ZNF385D: variants seen among roughly 807,000 people sequenced by gnomAD.
ZNF385D encodes zinc finger protein 385D.
In ZNF385D, 15 loss-of-function variants were observed where a neutral mutation model predicts 35.8. The ratio of observed to expected loss-of-function variants is 0.42; its 90% CI spans 0.28 to 0.64. The LOEUF is 0.64. Among genes scored for constraint, ZNF385D ranks in the 30% least tolerant of loss-of-function variants. The pLI is 0.23. For missense variants in ZNF385D, 474 were observed against 494.6 expected, an observed-to-expected ratio of 0.96 and a Z score of 0.39; for synonymous variants, 212 against 186.8, an observed-to-expected ratio of 1.13 and a Z score of -1.10.
At chr3:21,809,709 T>C (rs550993124) in intron 3 of ZNF385D, among the ~76,000 whole-genome samples, 10 of 151,058 alleles carry the variant, frequency 6.6e-5, no homozygotes, top group African/African-American at 9.7e-5. Flanking sequence ...TATACACATA[T>C]ATACATATAT....
At chr3:22,202,627 T>C (rs77979877) in intron 2 of ZNF385D, among the ~76,000 whole-genome samples, 2,270 of 152,256 alleles carry the variant, frequency 0.015, 52 homozygotes, top group African/African-American at 0.051. Flanking sequence ...TTTAACTTCC[T>C]ATCTTTGAAA....
At chr3:21,684,717 G>T (rs538222929) in intron 1 of ZNF385D, among the ~76,000 whole-genome samples, 2 of 152,208 alleles carry the variant, frequency 1.3e-5, no homozygotes, top group South Asian at 4.1e-4. Flanking sequence ...ATTTGCAAGG[G>T]TTATTAATCA....
chr3:21,429,699 A>G (rs1442328291), intron 5 of ZNF385D, among the ~76,000 whole-genome samples: 1 of 152,152 alleles, frequency 6.6e-6, no homozygotes, highest in East Asian at 1.9e-4. Flanking sequence ...TAGTTGGTAT[A>G]GTCTGAAAAA....
At chr3:21,848,391 G>A (rs888933354) in intron 3 of ZNF385D, among the ~76,000 whole-genome samples, 1 of 150,846 alleles carries the variant, frequency 6.6e-6, no homozygotes, top group Admixed American at 6.6e-5. Context: ...GTATGTGGTA[G>A]GAAATAATAA....
chr3:22,137,020 T>C (rs1704169166), intron 3 of ZNF385D, among the ~76,000 whole-genome samples: 1 of 152,182 alleles, frequency 6.6e-6, no homozygotes, highest in African/African-American at 2.4e-5. Flanking sequence ...TCATTTAGCA[T>C]TTGTCAAAGC....
intron 3 of ZNF385D, among the ~76,000 whole-genome samples, chr3:21,988,806 C>T (rs1473893073): frequency 6.6e-6 from 1 of 152,126 alleles, no homozygotes; most frequent in East Asian, 1.9e-4. Flanking sequence ...GACTGCTGTG[C>T]TAGCAATCAG....
chr3:22,034,989 A>G (rs889453784), intron 3 of ZNF385D, among the ~76,000 whole-genome samples: 6 of 152,206 alleles, frequency 3.9e-5, no homozygotes, highest in African/African-American at 1.4e-4. Context: ...ATAAAATGGT[A>G]CAATTTTTAT....
At chr3:21,547,396 T>A (rs1300791723) in intron 3 of ZNF385D, among the ~76,000 whole-genome samples, 1 of 152,078 alleles carries the variant, frequency 6.6e-6, no homozygotes, top group Non-Finnish European at 1.5e-5. Flanking sequence ...ATACATGTTT[T>A]CTAATAACCC....
chr3:21,571,038 A>T (rs2063320654), intron 2 of ZNF385D, among the ~76,000 whole-genome samples: 1 of 151,850 alleles, frequency 6.6e-6, no homozygotes. Context: ...ACACACAAAA[A>T]GTACATACAT....
At chr3:22,215,456 C>T (rs139116100) in intron 2 of ZNF385D, among the ~76,000 whole-genome samples, 313 of 151,802 alleles carry the variant, frequency 2.1e-3, no homozygotes, top group African/African-American at 7.0e-3. Context: ...CTTCAGGGGG[C>T]GGCCGTCTTT....
intron 3 of ZNF385D, among the ~76,000 whole-genome samples, chr3:21,523,784 TGAA>T (rs559945001): frequency 1.4e-3 from 197 of 145,670 alleles, no homozygotes; most frequent in African/African-American, 4.7e-3. Context: ...TTTTTTTTTT[TGAA>T]AAAAGAAATA....
intron 1 of ZNF385D, among the ~76,000 whole-genome samples, chr3:21,675,672 G>A (rs988128941): frequency 6.6e-6 from 1 of 151,996 alleles, no homozygotes; most frequent in African/African-American, 2.4e-5. Flanking sequence ...ACTAAGAGGC[G>A]ATCATTTGTA....
At chr3:21,926,139 A>G (rs909293262) in intron 3 of ZNF385D, among the ~76,000 whole-genome samples, 2 of 148,354 alleles carry the variant, frequency 1.3e-5, no homozygotes, top group African/African-American at 2.5e-5. Context: ...GCCCTCTCCA[A>G]TTTTTTTTTT....
intron 3 of ZNF385D, among the ~76,000 whole-genome samples, chr3:22,101,857 A>G (rs754322108): frequency 6.6e-6 from 1 of 151,850 alleles, no homozygotes; most frequent in African/African-American, 2.4e-5. Flanking sequence ...GTGACTATAT[A>G]TTTTCTGGTA....
chr3:21,452,974 A>G (rs1056283108), intron 4 of ZNF385D, among the ~76,000 whole-genome samples: 3 of 152,012 alleles, frequency 2.0e-5, no homozygotes, highest in African/African-American at 7.2e-5. Context: ...TGAATTCAAA[A>G]CTTACTAAAA....
intron 4 of ZNF385D, among the ~76,000 whole-genome samples, chr3:21,483,994 GCATCGTAATTTGGA>G (rs1173136281): frequency 6.6e-6 from 1 of 152,078 alleles, no homozygotes; most frequent in East Asian, 1.9e-4. Flanking sequence ...AGAGAAACTG[GCATCGTAATTTGGA>G]CAGGGGAAAT....
At chr3:22,267,990 C>G (rs1576589677) in intron 2 of ZNF385D, among the ~76,000 whole-genome samples, 1 of 151,976 alleles carries the variant, frequency 6.6e-6, no homozygotes, top group Admixed American at 6.6e-5. Flanking sequence ...ATTCTAATAA[C>G]TGAAAGAAAG....
chr3:21,582,627 G>A (rs940485575), intron 2 of ZNF385D, among the ~76,000 whole-genome samples: 7 of 152,120 alleles, frequency 4.6e-5, no homozygotes, highest in Non-Finnish European at 7.4e-5. Context: ...TAAAGTCAAG[G>A]ATATCTGATA....
chr3:21,992,430 A>G (rs1461725239), intron 3 of ZNF385D, among the ~76,000 whole-genome samples: 1 of 152,160 alleles, frequency 6.6e-6, no homozygotes, highest in Non-Finnish European at 1.5e-5. Context: ...GTTAGAAGCA[A>G]AATAGCAGTT....
Sources: allele counts gnomAD v4.1 joint callset (sites outside exome capture counted in the v4.1 genomes callset), GRCh38; gene constraint gnomAD v4.1.1; transcripts MANE v1.5; gene names NCBI Gene and HGNC (gene_info 2026-07-23, HGNC 2026-07-21).